RBFOX1: variants seen among roughly 807,000 people sequenced by gnomAD.
The protein encoded by RBFOX1 is RNA binding fox-1 homolog 1, also known as RNA binding protein fox-1 homolog 1.
RBFOX1 carries 8 observed loss-of-function variants against 57.7 expected under a neutral mutation model. The observed-to-expected ratio is 0.14, with a 90% CI of 0.08 to 0.25. The LOEUF (loss-of-function observed/expected upper bound fraction) is 0.25. Ranked by LOEUF, RBFOX1 falls within the 10% of genes least tolerant of loss-of-function variation. The pLI, the probability that RBFOX1 is intolerant of heterozygous loss-of-function variation, is 1.00. For synonymous variants in RBFOX1, 326 were observed against 222.4 expected, an observed-to-expected ratio of 1.47 and a Z score of -4.15; for missense variants, 611 against 548.5, an observed-to-expected ratio of 1.11 and a Z score of -1.14.
At chr16:6,446,772 A>G (rs990377904) in intron 2 of RBFOX1, among the ~76,000 whole-genome samples, 1 of 152,140 alleles carries the variant, frequency 6.6e-6, no homozygotes, top group African/African-American at 2.4e-5. Flanking sequence ...TAGTGTCTGC[A>G]TTATAATAAG....
At chr16:5,732,381 A>T (rs991264242) in intron 3 of RBFOX1, among the ~76,000 whole-genome samples, 5 of 152,210 alleles carry the variant, frequency 3.3e-5, no homozygotes, top group Admixed American at 3.3e-4. Flanking sequence ...CTCAGCCCAG[A>T]AGGCTCAAAG....
chr16:7,156,972 C>T (rs2077277631), intron 4 of RBFOX1, among the ~76,000 whole-genome samples: 1 of 152,254 alleles, frequency 6.6e-6, no homozygotes, highest in African/African-American at 2.4e-5. Flanking sequence ...TTTAAAAAAA[C>T]ACTTCCCTTA....
At chr16:6,551,649 G>T (rs1174429934) in intron 2 of RBFOX1, among the ~76,000 whole-genome samples, 2 of 152,166 alleles carry the variant, frequency 1.3e-5, no homozygotes, top group Non-Finnish European at 2.9e-5. Context: ...GTAAAAGCTT[G>T]CCTGGGAATG....
chr16:5,370,990 C>T (rs985017219), intron 1 of RBFOX1, among the ~76,000 whole-genome samples: 16 of 152,258 alleles, frequency 1.1e-4, no homozygotes, highest in Non-Finnish European at 7.3e-5. Flanking sequence ...GCTCTTTCGC[C>T]AGGCTGGAGT....
rs145641919 is a variant in RBFOX1, at chr16:6,425,732, C to T, written c.-64+108675C>T. 9.7e-4 allele frequency among the ~76,000 whole-genome samples: 148 copies of T among 152,092 alleles called. 2 individuals carry two copies. The East Asian group carries it at 0.022, about 22-fold the overall frequency. ...TAATTCATACACACACACACACGAA[C>T]GTTTTGATAGAGTTTGCAGAGTTTG... On this transcript the variant is annotated intron_variant, in intron 2 of 15. Coordinates refer to ENST00000550418, the MANE Select transcript of RBFOX1 (RefSeq NM_018723.4).
chr16:7,017,271 C>G (rs759568929), intron 3 of RBFOX1, among the ~76,000 whole-genome samples: 3 of 152,100 alleles, frequency 2.0e-5, no homozygotes, highest in Non-Finnish European at 4.4e-5. Context: ...TGCCAAGGCC[C>G]AAGTATAGAA....
intron 1 of RBFOX1, among the ~76,000 whole-genome samples, chr16:5,384,894 C>A (rs949395115): frequency 2.6e-5 from 4 of 152,122 alleles, no homozygotes; most frequent in Admixed American, 6.5e-5. Flanking sequence ...ATTAAATGGG[C>A]TAATGTGTAT....
Position 6,881,614 on chromosome 16 carries a change from C to G in RBFOX1, c.-15-170443C>G, listed in dbSNP as rs989554542. ...CTTACAGCCCACTCTGAGGACCTGA[C>G]TTTAACTTGATTCCCTCTGCAAATA... is the stretch of plus-strand genomic sequence containing the variant. On this transcript the variant is annotated intron_variant, in intron 3 of 15. Coordinates refer to ENST00000550418, the MANE Select transcript of RBFOX1 (RefSeq NM_018723.4). 2.0e-5 allele frequency among the ~76,000 whole-genome samples: 3 copies of G among 152,320 alleles called. No homozygotes were observed. The East Asian group carries it at 5.8e-4, about 29-fold the overall frequency.
intron 2 of RBFOX1, among the ~76,000 whole-genome samples, chr16:5,474,741 T>A (rs1455700240): frequency 2.0e-5 from 3 of 152,160 alleles, no homozygotes; most frequent in Non-Finnish European, 4.4e-5. Context: ...TGGGGTAGCA[T>A]GGGGTTCTTT....
chr16:7,469,223 C>G (rs1382040372), intron 4 of RBFOX1, among the ~76,000 whole-genome samples: 3 of 110,962 alleles, frequency 2.7e-5, no homozygotes, highest in Admixed American at 2.0e-4. Context: ...CGTGAGCCAC[C>G]TAATTTTTTT....
rs1555692675 is a variant in RBFOX1, at chr16:7,308,310, T to TC, written c.28-209835dup. The stretch of plus-strand genomic sequence containing the variant: ...CCACCCAGAGCTGTTTTTTTTTTTT[T>TC]CCACTGAGTTTAATGTCCTGAAAGA... On this transcript the variant is annotated intron_variant, in intron 4 of 15. Coordinates refer to ENST00000550418, the MANE Select transcript of RBFOX1 (RefSeq NM_018723.4). Among the ~76,000 whole-genome samples, 4 of 151,022 alleles carry TC rather than the reference T, an allele frequency of 2.6e-5. No homozygotes were observed. In the South Asian group the frequency reaches 6.3e-4, roughly 24 times the overall value.
At chr16:7,702,886 G>A (rs979284332) in intron 14 of RBFOX1, among the ~76,000 whole-genome samples, 2 of 152,148 alleles carry the variant, frequency 1.3e-5, no homozygotes, top group East Asian at 3.9e-4. Flanking sequence ...CAAAAATGAG[G>A]GCAATGAAAT....
chr16:6,321,533 A>G (rs1599613094), intron 2 of RBFOX1, among the ~76,000 whole-genome samples: 1 of 152,344 alleles, frequency 6.6e-6, no homozygotes, highest in East Asian at 1.9e-4. Context: ...GACTCTGCAC[A>G]ATGCCACAGC....
chr16:6,309,794 G>A (rs1396274899), intron 1 of RBFOX1, among the ~76,000 whole-genome samples: 2 of 152,142 alleles, frequency 1.3e-5, no homozygotes, highest in African/African-American at 2.4e-5. Context: ...TGTTGAATGG[G>A]CAAATGCAGC....
chr16:7,167,027 C>G (rs1219000009), intron 4 of RBFOX1, among the ~76,000 whole-genome samples: 1 of 84,352 alleles, frequency 1.2e-5, no homozygotes, highest in African/African-American at 5.4e-5. Context: ...TTTCTGTCGC[C>G]CAGGTTGGAG....
At chr16:6,999,157 C>G (rs1265891657) in intron 3 of RBFOX1, among the ~76,000 whole-genome samples, 2 of 142,162 alleles carry the variant, frequency 1.4e-5, no homozygotes, top group African/African-American at 5.0e-5. Flanking sequence ...GTGTGAGCCA[C>G]TGAGCCTGGC....
At chr16:7,654,494 G>A (rs1008328033) in intron 12 of RBFOX1, among the ~76,000 whole-genome samples, 3 of 152,176 alleles carry the variant, frequency 2.0e-5, no homozygotes, top group Non-Finnish European at 2.9e-5. Flanking sequence ...TTGCAGTTGC[G>A]TTTTCCAAAA....
rs1568441873 is a variant in RBFOX1 at position 7,029,249 on chromosome 16, TATACAC to T, written c.-15-22806_-15-22801del. ...ACATATATATACGTATACGTATATA[TATACAC>T]ACATATATATACGTATACGTATATA... On this transcript the variant is annotated intron_variant, in intron 3 of 15. Transcript: ENST00000550418. Among the ~76,000 whole-genome samples, 33 of 68,816 alleles carry T rather than the reference TATACAC, an allele frequency of 4.8e-4. 4 individuals carry two copies. Among genetic ancestry groups the T allele is most frequent in the African/African-American group, 1.7e-3 (30 of 17,670 alleles). 45.1% of individuals were successfully genotyped at this position (68,816 alleles called of 152,430 possible).
chr16:5,873,870 T>C (rs1002383618), intron 4 of RBFOX1, among the ~76,000 whole-genome samples: 1 of 151,854 alleles, frequency 6.6e-6, no homozygotes, highest in Non-Finnish European at 1.5e-5. Context: ...GAAGGGTGGA[T>C]TAGGTTAGGT....
Sources: gnomAD v4.1 joint callset for allele counts (sites outside exome capture counted in the v4.1 genomes callset) on GRCh38, gnomAD v4.1.1 for gene constraint, MANE v1.5 for transcripts, NCBI Gene and HGNC (gene_info 2026-07-23, HGNC 2026-07-21) for gene names.